SRGAP1: variants seen among roughly 807,000 people sequenced by gnomAD.
The protein encoded by SRGAP1 is SLIT-ROBO Rho GTPase-activating protein 1.
In SRGAP1, 43 loss-of-function variants were observed where a neutral mutation model predicts 121.9. That is an observed-to-expected ratio of 0.35 (90% CI 0.28 to 0.46). SRGAP1 has a LOEUF of 0.46. Among genes scored for constraint, SRGAP1 ranks in the 20% least tolerant of loss-of-function variants. The probability of loss-of-function intolerance (pLI) is 1.00; values close to 1 mark genes in which losing one functional copy is unlikely to be tolerated. For missense variants in SRGAP1, 1,102 were observed against 1,350.9 expected, an observed-to-expected ratio of 0.82 and a Z score of 2.89; for synonymous variants, 447 against 485.4, an observed-to-expected ratio of 0.92 and a Z score of 1.04.
chr12:64,022,070 T>C (rs1317819850), intron 4 of SRGAP1, among the ~76,000 whole-genome samples: 1 of 152,222 alleles, frequency 6.6e-6, no homozygotes, highest in Non-Finnish European at 1.5e-5. Context: ...CATTAATTGT[T>C]AGTTGTGTGG....
At position 64,142,914 on chromosome 12, in the gene SRGAP1, C is replaced by T; in HGVS notation, c.*242C>T. ...AGGACAATAGAAACACTTAGACTTA[C>T]TTGAAAATCCAATGCTGCACCACTT... On this transcript the variant is annotated 3_prime_UTR_variant, in exon 22 of 22. Transcript: ENST00000355086. 1 of 511,478 alleles carries T rather than the reference C, an allele frequency of 2.0e-6. No homozygotes were observed. The highest frequency in any genetic ancestry group is 3.6e-5 in the East Asian group (1 of 27,826). The allele number at this position is 511,478 out of a possible 1,614,324, so 31.7% of individuals were successfully genotyped here.
At chr12:63,876,404 T>C (rs1244857226) in intron 1 of SRGAP1, among the ~76,000 whole-genome samples, 1 of 152,218 alleles carries the variant, frequency 6.6e-6, no homozygotes, top group African/African-American at 2.4e-5. Flanking sequence ...TTAAGCCTGC[T>C]AAGCTACTGT....
At position 63,844,835 on chromosome 12, in the gene SRGAP1, T is replaced by C; in HGVS notation, c.19T>C (p.Phe7Leu). ...CTGGATAATGTCCACCCCGAGCCGA[T>C]TCAAGAAGGACAAAGAGATCATAGC... MSTPSR[F>L]KKDKEIIAEY... Residue 7 changes from phenylalanine (F) to leucine (L), a missense_variant, in exon 1 of 22, where the codon TTC (phenylalanine) becomes CTC (leucine). Transcript: ENST00000355086. This position sits in a 1 kb window ranked among gnomAD's most constrained non-coding sequence, Gnocchi z 4.3. 6.2e-7 allele frequency: 1 copy of C among 1,614,150 alleles called. No homozygotes were observed. The highest frequency in any genetic ancestry group is 8.5e-7 in the Non-Finnish European group (1 of 1,180,038).
chr12:63,901,372 G>A (rs2029918956), intron 1 of SRGAP1, among the ~76,000 whole-genome samples: 1 of 152,190 alleles, frequency 6.6e-6, no homozygotes, highest in South Asian at 2.1e-4. Context: ...TCCCTGTTGA[G>A]TTGTATTGTC....
intron 1 of SRGAP1, among the ~76,000 whole-genome samples, chr12:63,855,592 G>A (rs1899222869): frequency 7.3e-6 from 1 of 137,744 alleles, no homozygotes; most frequent in Non-Finnish European, 1.5e-5. Context: ...CCAAGTTCAG[G>A]CAATTCTCAT....
At chr12:64,009,467 A>G (rs1330248960) in intron 3 of SRGAP1, among the ~76,000 whole-genome samples, 2 of 152,172 alleles carry the variant, frequency 1.3e-5, no homozygotes, top group Non-Finnish European at 2.9e-5. Context: ...TAATCAGCCC[A>G]TTCAAATACT....
chr12:63,978,134 T>C (rs2033141333), intron 1 of SRGAP1, among the ~76,000 whole-genome samples: 1 of 152,240 alleles, frequency 6.6e-6, no homozygotes, highest in Non-Finnish European at 1.5e-5. Context: ...CTATTACTGC[T>C]ATCATCATTA....
At chr12:63,954,028 A>G (rs2032379245) in intron 1 of SRGAP1, among the ~76,000 whole-genome samples, 1 of 152,208 alleles carries the variant, frequency 6.6e-6, no homozygotes. Context: ...TTCTACAGAC[A>G]TCGTCTTGGT....
At chr12:64,003,478 GAAA>G (rs531819299) in intron 3 of SRGAP1, among the ~76,000 whole-genome samples, 650 of 42,786 alleles carry the variant, frequency 0.015, 4 homozygotes, top group African/African-American at 0.037. Flanking sequence ...GGAAGTTTCA[GAAA>G]AAAAAAAAAA....
At chr12:63,943,612 GT>G (rs529518560) in intron 1 of SRGAP1, among the ~76,000 whole-genome samples, 1 of 152,012 alleles carries the variant, frequency 6.6e-6, no homozygotes, top group Non-Finnish European at 1.5e-5. Context: ...ACTATTCTAT[GT>G]TTTTTTTCTA....
chr12:63,970,050 C>G (rs2032899617), intron 1 of SRGAP1, among the ~76,000 whole-genome samples: 1 of 152,126 alleles, frequency 6.6e-6, no homozygotes, highest in Non-Finnish European at 1.5e-5. Flanking sequence ...TTTTCCTGTT[C>G]CCACCTTCCC....
At chr12:63,936,188 G>A (rs1736898643) in intron 1 of SRGAP1, among the ~76,000 whole-genome samples, 1 of 152,148 alleles carries the variant, frequency 6.6e-6, no homozygotes, top group Non-Finnish European at 1.5e-5. Flanking sequence ...AGAGATACAC[G>A]AATCCAGAGG....
chr12:64,141,510 G>A (rs1308704788), intron 21 of SRGAP1, among the ~76,000 whole-genome samples: 2 of 152,174 alleles, frequency 1.3e-5, no homozygotes, highest in African/African-American at 2.4e-5. Flanking sequence ...AACCCGGGAG[G>A]CAGAGGTTGC....
chr12:64,043,306 T>C, intron 5 of SRGAP1, 141 bp from the exon 6 acceptor site: 2 of 810,156 alleles, frequency 2.5e-6, no homozygotes, highest in Non-Finnish European at 3.7e-6. Context: ...ATTCAAAATG[T>C]ACTTTTGGCA....
chr12:64,016,297 C>T (rs2034399184), intron 3 of SRGAP1, among the ~76,000 whole-genome samples: 1 of 151,944 alleles, frequency 6.6e-6, no homozygotes, highest in South Asian at 2.1e-4. Flanking sequence ...ACTAGTTGAG[C>T]TTGGTTGCAC....
At chr12:63,982,086 G>A (rs1416069566) in intron 1 of SRGAP1, among the ~76,000 whole-genome samples, 1 of 152,048 alleles carries the variant, frequency 6.6e-6, no homozygotes, top group Non-Finnish European at 1.5e-5. Context: ...GGTGGCAGGC[G>A]CCTGTATTCC....
chr12:63,889,035 C>T (rs550439786), intron 1 of SRGAP1, among the ~76,000 whole-genome samples: 73 of 152,324 alleles, frequency 4.8e-4, no homozygotes, highest in Non-Finnish European at 8.1e-4. Context: ...CTTTCCACTT[C>T]TTGAGCTTTG....
intron 4 of SRGAP1, among the ~76,000 whole-genome samples, chr12:64,042,536 T>C (rs1350877566): frequency 6.6e-6 from 1 of 152,144 alleles, no homozygotes; most frequent in East Asian, 1.9e-4. Flanking sequence ...AAAGTATGCA[T>C]AAGACTCCGT....
intron 12 of SRGAP1, among the ~76,000 whole-genome samples, chr12:64,093,580 CT>C (rs1396323204): frequency 6.6e-6 from 1 of 152,182 alleles, no homozygotes; most frequent in African/African-American, 2.4e-5. Context: ...TTTACTTCCC[CT>C]AAAACACTTA....
Sources: allele counts gnomAD v4.1 joint callset (sites outside exome capture counted in the v4.1 genomes callset), GRCh38; gene constraint gnomAD v4.1.1; non-coding constraint Gnocchi (gnomAD v3.1); transcripts MANE v1.5; gene names NCBI Gene and HGNC (gene_info 2026-07-23, HGNC 2026-07-21).